Variants in ADGRB3 observed in about 807,000 individuals in gnomAD.
ADGRB3 encodes brain-specific angiogenesis inhibitor 3.
Under a neutral mutation model 193.4 loss-of-function variants are expected in ADGRB3, and 37 were observed. The ratio of observed to expected loss-of-function variants is 0.19; its 90% CI spans 0.15 to 0.25. The LOEUF is 0.25. ADGRB3 is among the 10% of genes least tolerant of loss of function. ADGRB3 has a pLI of 1.00. For missense variants in ADGRB3, 1,637 were observed against 1,852.9 expected (o/e 0.88, Z 2.14); for synonymous variants, 690 against 644.2 (o/e 1.07, Z -1.08).
intron 3 of ADGRB3, among the ~76,000 whole-genome samples, chr6:68,672,805 G>T (rs1044730130): frequency 3.9e-4 from 59 of 152,052 alleles, no homozygotes; most frequent in Admixed American, 1.3e-4. Flanking sequence ...CATTAAAGCA[G>T]ATTACTCTCC....
chr6:69,184,872 T>C (rs1765036986), intron 17 of ADGRB3, among the ~76,000 whole-genome samples: 1 of 152,134 alleles, frequency 6.6e-6, no homozygotes, highest in Admixed American at 6.6e-5. Context: ...ACTTGAGCAT[T>C]CATTTTTTAA....
intron 3 of ADGRB3, among the ~76,000 whole-genome samples, chr6:68,885,889 G>T (rs911002571): frequency 3.9e-5 from 6 of 152,042 alleles, no homozygotes. Context: ...CAAAATCCTA[G>T]ACTAAGGCAA....
intron 3 of ADGRB3, among the ~76,000 whole-genome samples, chr6:68,858,663 G>A (rs1765062477): frequency 1.3e-5 from 2 of 151,332 alleles, no homozygotes; most frequent in African/African-American, 4.9e-5. Flanking sequence ...AGTACATCAG[G>A]GAACACAGCC....
At chr6:68,806,160 G>A (rs1257487149) in intron 3 of ADGRB3, among the ~76,000 whole-genome samples, 2 of 152,048 alleles carry the variant, frequency 1.3e-5, no homozygotes, top group Admixed American at 6.6e-5. Context: ...TGATTAAGAT[G>A]GTTTGATAAT....
At chr6:69,105,951 A>G (rs1316335172) in intron 17 of ADGRB3, among the ~76,000 whole-genome samples, 1 of 152,144 alleles carries the variant, frequency 6.6e-6, no homozygotes, top group Non-Finnish European at 1.5e-5. Context: ...CCTCGCCAAC[A>G]TGGTGAAAGC....
At chr6:68,864,290 G>A (rs1252100210) in intron 3 of ADGRB3, among the ~76,000 whole-genome samples, 1 of 152,154 alleles carries the variant, frequency 6.6e-6, no homozygotes, top group East Asian at 1.9e-4. Context: ...TAAGTGATGT[G>A]TTAGCAACTG....
At chr6:69,083,816 C>A (rs1772467831) in intron 17 of ADGRB3, among the ~76,000 whole-genome samples, 1 of 141,934 alleles carries the variant, frequency 7.0e-6, no homozygotes, top group South Asian at 2.2e-4. Context: ...GCTCTGTCAC[C>A]AAGGCTGGAG....
At chr6:68,709,955 C>T (rs959616253) in intron 3 of ADGRB3, among the ~76,000 whole-genome samples, 4 of 152,154 alleles carry the variant, frequency 2.6e-5, no homozygotes, top group Non-Finnish European at 5.9e-5. Context: ...TACTGCTCTT[C>T]TCTCCCCTTT....
intron 10 of ADGRB3, among the ~76,000 whole-genome samples, chr6:68,977,823 G>T (rs1768792588): frequency 6.9e-6 from 1 of 143,962 alleles, no homozygotes; most frequent in Admixed American, 6.9e-5. Flanking sequence ...TACATAAAAA[G>T]AATCTGAATA....
intron 3 of ADGRB3, among the ~76,000 whole-genome samples, chr6:68,782,682 G>A (rs1766879558): frequency 6.6e-6 from 1 of 152,076 alleles, no homozygotes; most frequent in African/African-American, 2.4e-5. Context: ...GTGTGAGATG[G>A]TATTTCATTG....
chr6:69,112,660 A>C (rs1773400043), intron 17 of ADGRB3, among the ~76,000 whole-genome samples: 1 of 152,222 alleles, frequency 6.6e-6, no homozygotes, highest in African/African-American at 2.4e-5. Flanking sequence ...ATCAAAAATT[A>C]AACAAAAATA....
At chr6:69,290,142 G>A (rs960542738) in intron 20 of ADGRB3, among the ~76,000 whole-genome samples, 3 of 152,022 alleles carry the variant, frequency 2.0e-5, no homozygotes, top group Admixed American at 6.6e-5. Context: ...GGTGGGGAGG[G>A]TTTGAGTCAT....
chr6:68,989,054 C>T (rs766007880), intron 10 of ADGRB3, among the ~76,000 whole-genome samples: 35 of 152,150 alleles, frequency 2.3e-4, no homozygotes, highest in Non-Finnish European at 3.2e-4. Context: ...ACAACTGTTT[C>T]ACAAACCAGG....
chr6:69,017,850 G>C (rs1360157716), intron 12 of ADGRB3, among the ~76,000 whole-genome samples: 1 of 151,796 alleles, frequency 6.6e-6, no homozygotes, highest in East Asian at 1.9e-4. Flanking sequence ...ACATGCACTA[G>C]GGCTATTAAT....
At chr6:68,851,437 C>T (rs1768400643) in intron 3 of ADGRB3, among the ~76,000 whole-genome samples, 1 of 151,708 alleles carries the variant, frequency 6.6e-6, no homozygotes, top group Non-Finnish European at 1.5e-5. Flanking sequence ...GCTATTTTAA[C>T]CAAGAAGTAA....
Position 68,639,304 on chromosome 6 carries a change from A to T in ADGRB3, c.629A>T (p.Gln210Leu). 1 of 1,614,122 alleles carries T rather than the reference A, an allele frequency of 6.2e-7. No individual in the cohort carries two copies. The highest frequency in any genetic ancestry group is 8.5e-7 in the Non-Finnish European group (1 of 1,180,034). The part of the protein sequence containing the change: ...QHLGEWGIDD[Q>L]SLILLNNVVL... ...TTGGGAGAGTGGGGGATCGACGACC[A>T]GTCGCTGATTTTGTTAAATAACGTG... is the stretch of plus-strand genomic sequence containing the variant. The change falls in exon 3 of 32, where the codon CAG becomes CTG. Residue 210 changes from glutamine to leucine, a missense_variant. By Grantham distance (113) the Gln-to-Leu change is moderately radical (BLOSUM62 -2). This residue lies in a region of ADGRB3 where 365 missense variants were observed against 409.8 expected (regional missense o/e 0.89). Transcript: ENST00000370598.
rs11450503 is a variant in ADGRB3, at chr6:68,754,739, TAA to T, written c.757+115317_757+115318del. Among the ~76,000 whole-genome samples the T allele has an allele frequency of 4.4e-3, 668 of 150,414 alleles. 4 individuals carry two copies. Among genetic ancestry groups the T allele is most frequent in the African/African-American group, 0.015 (627 of 40,970 alleles). On this transcript the variant is annotated intron_variant, in intron 3 of 31. Transcript: ENST00000370598. ...GTCATGGGTGGAGAATAAGGAAATTTAAAAAAAAAAACAGCATTAGAAAGGTT... is the reference window on the plus strand; with the variant it reads ...GTCATGGGTGGAGAATAAGGAAATTTAAAAAAAAACAGCATTAGAAAGGTT...
intron 10 of ADGRB3, among the ~76,000 whole-genome samples, chr6:68,981,236 T>G (rs1365113861): frequency 6.6e-6 from 1 of 151,714 alleles, no homozygotes; most frequent in Non-Finnish European, 1.5e-5. Flanking sequence ...GAAGTCTCTT[T>G]ATTTTATTCA....
At chr6:68,898,572 A>C (rs762354075) in intron 3 of ADGRB3, among the ~76,000 whole-genome samples, 5 of 152,128 alleles carry the variant, frequency 3.3e-5, no homozygotes, top group Non-Finnish European at 7.4e-5. Context: ...CTATTTTAAA[A>C]ATAATGGAGT....
Sources: gnomAD v4.1 joint callset for allele counts (sites outside exome capture counted in the v4.1 genomes callset) on GRCh38, gnomAD v4.1.1 for gene constraint, gnomAD v4.1.1 regional missense constraint, MANE v1.5 for transcripts, NCBI Gene and HGNC (gene_info 2026-07-23, HGNC 2026-07-21) for gene names.